SLC4A5: variants seen among roughly 807,000 people sequenced by gnomAD.
SLC4A5 encodes solute carrier family 4 member 5.
Under a neutral mutation model 120.4 loss-of-function variants are expected in SLC4A5, and 96 were observed. The observed-to-expected ratio is 0.80, with a 90% CI of 0.68 to 0.94. The LOEUF is 0.94. Among genes scored for constraint, SLC4A5 ranks in the 40% least tolerant of loss-of-function variants. The pLI, the probability that SLC4A5 is intolerant of heterozygous loss-of-function variation, is 0.00. For missense variants in SLC4A5, 1,259 were observed against 1,459.5 expected (o/e 0.86, Z 2.24); for synonymous variants, 550 against 571.1 (o/e 0.96, Z 0.53).
At chr2:74,323,109 A>C (rs1479568377) in intron 5 of SLC4A5, among the ~76,000 whole-genome samples, 2 of 152,134 alleles carry the variant, frequency 1.3e-5, no homozygotes, top group Admixed American at 6.6e-5. Flanking sequence ...GTGTGGTGGC[A>C]CATGCTTGTA....
chr2:74,268,271 A>C (rs1345636128), intron 8 of SLC4A5, among the ~76,000 whole-genome samples: 2 of 152,206 alleles, frequency 1.3e-5, no homozygotes, highest in Admixed American at 6.5e-5. Context: ...AGCTCCTCCA[A>C]CCAGGAGGCA....
chr2:74,324,895 T>G (rs532225480), intron 5 of SLC4A5, among the ~76,000 whole-genome samples: 22 of 152,146 alleles, frequency 1.4e-4, no homozygotes, highest in Non-Finnish European at 2.8e-4. Context: ...CCAAAAACTC[T>G]GCTCACTCTG....
intron 18 of SLC4A5, 50 bp from the exon 19 acceptor site, chr2:74,247,357 G>A (rs775578134): frequency 6.3e-7 from 1 of 1,575,772 alleles, no homozygotes; most frequent in Non-Finnish European, 8.6e-7. Context: ...GCTCCTGGCT[G>A]TGCTTGACTC....
At chr2:74,260,161 C>A (rs1345383736) in intron 11 of SLC4A5, among the ~76,000 whole-genome samples, 1 of 152,204 alleles carries the variant, frequency 6.6e-6, no homozygotes, top group Non-Finnish European at 1.5e-5. Flanking sequence ...ATTATTTGAA[C>A]TGCCCAATAG....
At chr2:74,304,890 T>C (rs991394084) in intron 6 of SLC4A5, among the ~76,000 whole-genome samples, 2 of 152,172 alleles carry the variant, frequency 1.3e-5, no homozygotes, top group Non-Finnish European at 2.9e-5. Context: ...CCCTCAGTGC[T>C]ATAATTAGAA....
At chr2:74,300,829 CAAG>C (rs1179123903) in intron 7 of SLC4A5, among the ~76,000 whole-genome samples, 2 of 152,124 alleles carry the variant, frequency 1.3e-5, no homozygotes, top group Non-Finnish European at 2.9e-5. Flanking sequence ...GGAGCCAGTA[CAAG>C]AAGGACAAGG....
In SLC4A5 at chr2:74,300,347, C is replaced by G. The variant is rs892205830; in HGVS notation, c.271+4142G>C. Among the ~76,000 whole-genome samples the G allele has an allele frequency of 3.9e-5, 6 of 152,262 alleles. No homozygotes were observed. In the South Asian group the frequency reaches 1.2e-3, roughly 32 times the overall value. On this transcript the variant is annotated intron_variant, in intron 7 of 30. Transcript: ENST00000394019. ...ATCTTAAGTGTTCTTACCATACACT[C>G]GCACAAAGGTAACTATGAGTGGTGA...
At chr2:74,248,288 C>A in intron 18 of SLC4A5, 65 bp downstream of exon 18, 1 of 1,587,796 alleles carries the variant, frequency 6.3e-7, no homozygotes, top group South Asian at 1.1e-5. Context: ...TATTCCCCTG[C>A]CCTAGCCCCA....
chr2:74,332,792 C>T (rs1481572933), intron 4 of SLC4A5, among the ~76,000 whole-genome samples: 1 of 151,968 alleles, frequency 6.6e-6, no homozygotes, highest in African/African-American at 2.4e-5. Flanking sequence ...AGACCTAGTC[C>T]TGTGATGTGT....
intron 5 of SLC4A5, among the ~76,000 whole-genome samples, chr2:74,324,934 T>C (rs1673184952): frequency 6.6e-6 from 1 of 152,206 alleles, no homozygotes; most frequent in Non-Finnish European, 1.5e-5. Flanking sequence ...GCTTGGAAGT[T>C]ACTATTTTGC....
Position 74,232,489 on chromosome 2 carries a change from C to T in SLC4A5, c.2754G>A (p.Gln918=), listed in dbSNP as rs202132352. The change falls in exon 24 of 31, where the codon CAG becomes CAA. Residue 918 remains glutamine, a synonymous_variant. Coordinates refer to ENST00000394019, the Ensembl canonical transcript of SLC4A5. ...CCTACCTGACTCCCAGAAACTGGGGCTGCTCCCCAGGGGCACTGGTCTCTG... is the reference window on the plus strand; with the variant it reads ...CCTACCTGACTCCCAGAAACTGGGGTTGCTCCCCAGGGGCACTGGTCTCTG... 4.3e-6 allele frequency: 7 copies of T among 1,614,014 alleles called. No homozygotes were observed. The East Asian group carries it at 1.3e-4, about 31-fold the overall frequency.
At position 74,234,456 on chromosome 2, in the gene SLC4A5, C is replaced by T. The variant is rs904442347; in HGVS notation, c.2433+645G>A. ...CCTCCCAAAGTTCTGGGATTATAGG[C>T]GTGAGCCACCGCACCTGGCCGGTTG... On this transcript the variant is annotated intron_variant, in intron 22 of 30. Transcript: ENST00000394019. Among the ~76,000 whole-genome samples the T allele has an allele frequency of 3.9e-5, 6 of 152,292 alleles. No individual in the cohort carries two copies. In the East Asian group the frequency reaches 7.7e-4, roughly 20 times the overall value.
At position 74,298,360 on chromosome 2, in the gene SLC4A5, G is replaced by T. The variant is rs13413809; in HGVS notation, c.271+6129C>A. Among the ~76,000 whole-genome samples the T allele has an allele frequency of 4.9e-3, 741 of 152,322 alleles. 6 individuals are homozygous for T. Among genetic ancestry groups the T allele is most frequent in the South Asian group, 9.1e-3 (44 of 4,828 alleles). ...CCAATAAATGGTGTTGAGAAGACTG[G>T]ATATCCACGTGCAGAAGAATAAAAT... On this transcript the variant is annotated intron_variant, in intron 7 of 30. Coordinates refer to ENST00000394019, the Ensembl canonical transcript of SLC4A5.
chr2:74,253,137 G>A lies in SLC4A5; in HGVS notation c.1114-9C>T. 6.2e-7 allele frequency: 1 copy of A among 1,614,008 alleles called. No homozygotes were observed. The highest frequency in any genetic ancestry group is 8.5e-7 in the Non-Finnish European group (1 of 1,180,012). On this transcript the variant is annotated splice_polypyrimidine_tract_variant and intron_variant, in intron 14 of 30. Coordinates refer to ENST00000394019, the Ensembl canonical transcript of SLC4A5. ...GCCACGTCACTGAAGAGCTGGCGAG[G>A]AGAGAGGAGGGAGAAAAGAAAGATC...
In SLC4A5 at chr2:74,255,834, G is replaced by A. The variant is rs12621832; in HGVS notation, c.966C>T (p.Phe322=). The A allele has an allele frequency of 2.6e-5, 42 of 1,614,066 alleles. No homozygotes were observed. In the East Asian group the frequency reaches 4.0e-4, roughly 15 times the overall value. Residue 322 remains phenylalanine (F), a synonymous_variant, in exon 13 of 31, where the codon TTC becomes TTT. Coordinates refer to ENST00000394019, the Ensembl canonical transcript of SLC4A5. This position sits in a 1 kb window ranked among gnomAD's most constrained non-coding sequence, Gnocchi z 4.0. ...GCATGGCCGACTGGATGAGGCGCAC[G>A]AACGCGATGAATGGCTGGTCTAGGA...
At chr2:74,238,086 A>C (rs1446076773) in intron 21 of SLC4A5, among the ~76,000 whole-genome samples, 1 of 152,170 alleles carries the variant, frequency 6.6e-6, no homozygotes, top group African/African-American at 2.4e-5. Context: ...TGGGTGACAG[A>C]GTGAGACTCT....
In SLC4A5 at chr2:74,284,344, T is replaced by G. The variant is rs1323819300; in HGVS notation, c.401+1429A>C. 4.5e-5 allele frequency among the ~76,000 whole-genome samples: 5 copies of G among 112,042 alleles called. 1 individual carries two copies. The highest frequency in any genetic ancestry group is 6.5e-5 in the Non-Finnish European group (4 of 61,518). 73.5% of individuals were successfully genotyped at this position (112,042 alleles called of 152,430 possible). ...GGCGCCCGCCACCGCGCCCGGCTAA[T>G]TTTTTTTTTGTATTTTTAGTAGAGA... On this transcript the variant is annotated intron_variant, in intron 8 of 30. Transcript: ENST00000394019.
chr2:74,273,465 C>G (rs1671538852), intron 8 of SLC4A5, among the ~76,000 whole-genome samples: 1 of 152,130 alleles, frequency 6.6e-6, no homozygotes, highest in Non-Finnish European at 1.5e-5. Flanking sequence ...AAGTATATAT[C>G]CCTGTGGTCA....
chr2:74,229,445 C>T (rs575342046), intron 25 of SLC4A5, among the ~76,000 whole-genome samples: 3 of 151,608 alleles, frequency 2.0e-5, no homozygotes, highest in Non-Finnish European at 2.9e-5. Context: ...CACAGGGTTT[C>T]GGGTTTCACC....
Sources: allele counts gnomAD v4.1 joint callset (sites outside exome capture counted in the v4.1 genomes callset), GRCh38; gene constraint gnomAD v4.1.1; non-coding constraint Gnocchi (gnomAD v3.1); transcripts MANE v1.5; gene names NCBI Gene and HGNC (gene_info 2026-07-23, HGNC 2026-07-21).